The following NBAS variants were observed in gnomAD, a reference collection of about 807,000 sequenced individuals.
NBAS encodes NBAS subunit of NRZ tethering complex, also known as NAG/BC035112 fusion.
Under a neutral mutation model 302.5 loss-of-function variants are expected in NBAS, and 219 were observed. The observed-to-expected ratio is 0.72, with a 90% confidence interval of 0.65 to 0.81. The LOEUF (loss-of-function observed/expected upper bound fraction) is 0.81. NBAS is among the 30% of genes least tolerant of loss of function. The probability of loss-of-function intolerance (pLI) is 0.00; values close to 1 mark genes in which losing one functional copy is unlikely to be tolerated. For synonymous variants in NBAS, 1,118 were observed against 1,021.6 expected, an observed-to-expected ratio of 1.09 and a Z score of -1.80; for missense variants, 2,932 against 2,841.6, an observed-to-expected ratio of 1.03 and a Z score of -0.72.
At chr2:14,839,511 T>A in the NBAS span, among the ~76,000 whole-genome samples, 1 of 152,060 alleles carries the variant, frequency 6.6e-6, no homozygotes, top group Non-Finnish European at 1.5e-5. Context: ...CCCTGTAACT[T>A]AGCCAATGGA....
At chr2:15,173,370 C>T (rs1664385129) in intron 51 of NBAS, among the ~76,000 whole-genome samples, 2 of 152,046 alleles carry the variant, frequency 1.3e-5, no homozygotes, top group South Asian at 2.1e-4. Context: ...AGCTGAAATT[C>T]CAGAAGCATA....
chr2:14,929,912 T>A, the NBAS span, among the ~76,000 whole-genome samples: 28 of 152,232 alleles, frequency 1.8e-4, no homozygotes, highest in Middle Eastern at 6.8e-3. Flanking sequence ...GGGGCAGATT[T>A]CCCCCTTGCT....
intron 26 of NBAS, 113 bp downstream of exon 26, chr2:15,402,054 TG>T (rs772040963): frequency 1.1e-4 from 123 of 1,124,208 alleles, no homozygotes; most frequent in Non-Finnish European, 1.5e-4. Context: ...TTCTTCCTTA[TG>T]TTTTTTTCAC....
At chr2:15,069,578 T>A in the NBAS span, among the ~76,000 whole-genome samples, 84,184 of 151,082 alleles carry the variant, frequency 0.56, 24,692 homozygotes, top group East Asian at 0.69. Context: ...AATGGACCTG[T>A]AAAAGAGATA....
Position 15,234,622 on chromosome 2 carries a change from C to A in NBAS, c.6069G>T (p.Glu2023Asp). The A allele has an allele frequency of 6.2e-7, 1 of 1,614,144 alleles. No individual in the cohort carries two copies. Among genetic ancestry groups the A allele is most frequent in the Non-Finnish European group, 8.5e-7 (1 of 1,179,994 alleles). ...QPLAMIQQLLEVAVGPLDISP... is the reference protein window; with the variant it reads ...QPLAMIQQLLDVAVGPLDISP... ...AGATGTCAAGAGGGCCAACTGCCAC[C>A]TCTAGCAGCTGCTGAATCATTGCTA... is the stretch of plus-strand genomic sequence containing the variant. Residue 2023 changes from glutamate (E) to aspartate (D), a missense_variant, in exon 46 of 52, where the codon GAG becomes GAT. Glu to Asp is a conservative substitution (Grantham distance 45). Coordinates refer to ENST00000281513, the MANE Select transcript of NBAS (RefSeq NM_015909.4).
the NBAS span, among the ~76,000 whole-genome samples, chr2:15,113,141 A>T: frequency 1.3e-5 from 2 of 152,150 alleles, no homozygotes; most frequent in Non-Finnish European, 2.9e-5. Flanking sequence ...AATGTGGGAT[A>T]GAGAAATAAG....
intron 11 of NBAS, 84 bp from the exon 12 acceptor site, chr2:15,489,106 C>A: frequency 6.9e-7 from 1 of 1,450,578 alleles, no homozygotes; most frequent in Non-Finnish European, 9.6e-7. Flanking sequence ...TTTAGAGGTG[C>A]CAAGTTATAA....
At chr2:15,294,524 G>A (rs565741120) in intron 40 of NBAS, among the ~76,000 whole-genome samples, 1 of 152,084 alleles carries the variant, frequency 6.6e-6, no homozygotes, top group Non-Finnish European at 1.5e-5. Context: ...TCTATCTGTT[G>A]GCCAAACCCC....
At chr2:14,971,617 CTTCT>C in the NBAS span, among the ~76,000 whole-genome samples, 1 of 152,178 alleles carries the variant, frequency 6.6e-6, no homozygotes, top group African/African-American at 2.4e-5. Flanking sequence ...ACCTGTTGGC[CTTCT>C]TTCTGGCACC....
chr2:15,217,360 G>A (rs1244317093), intron 48 of NBAS, among the ~76,000 whole-genome samples: 1 of 152,104 alleles, frequency 6.6e-6, no homozygotes, highest in Non-Finnish European at 1.5e-5. Flanking sequence ...CAATAGTATT[G>A]ACCTCTTCAT....
rs1363031523 is a variant in NBAS, at chr2:15,287,170, T to C, written c.5041A>G (p.Ser1681Gly). 7 of 1,613,694 alleles carry C rather than the reference T, an allele frequency of 4.3e-6. No homozygotes were observed. The highest frequency in any genetic ancestry group is 1.3e-5 in the African/African-American group (1 of 74,918). ...ILGLAETLEE[S>G]VYSIAISLAQ... ...AGAGAAATAGCAATGCTGTAGACGC[T>C]TTCCTCTAGAGTTCTGCAGAAATGT... Residue 1681 changes from serine (S) to glycine (G), a missense_variant, in exon 42 of 52, where the codon AGC becomes GGC. Physicochemically the swap from Ser to Gly is moderately conservative, Grantham distance 56 (BLOSUM62 0). Transcript: ENST00000281513.
intron 48 of NBAS, among the ~76,000 whole-genome samples, chr2:15,207,001 AC>A (rs1381535348): frequency 6.6e-6 from 1 of 152,162 alleles, no homozygotes; most frequent in Non-Finnish European, 1.5e-5. Flanking sequence ...GAAGAGGGTC[AC>A]CATCCTCCAG....
At chr2:15,538,343 A>G in intron 7 of NBAS, 1 of 488,892 alleles carries the variant, frequency 2.0e-6, no homozygotes, top group Non-Finnish European at 4.1e-6. Flanking sequence ...TATGAGCACA[A>G]CACACGTTTT....
intron 48 of NBAS, among the ~76,000 whole-genome samples, chr2:15,203,549 A>G (rs542700353): frequency 3.5e-4 from 53 of 152,340 alleles, no homozygotes; most frequent in African/African-American, 1.2e-3. Context: ...CTGGCAACCA[A>G]TGAATTATGT....
chr2:14,947,507 A>C, the NBAS span, among the ~76,000 whole-genome samples: 1 of 152,056 alleles, frequency 6.6e-6, no homozygotes, highest in Non-Finnish European at 1.5e-5. Context: ...AATAACAAGT[A>C]AAGAGATCAG....
chr2:15,139,372 T>C, the NBAS span, among the ~76,000 whole-genome samples: 36 of 152,354 alleles, frequency 2.4e-4, no homozygotes, highest in Non-Finnish European at 3.8e-4. Context: ...TGTCTTGTCT[T>C]CCAGGAAGCT....
intron 38 of NBAS, among the ~76,000 whole-genome samples, chr2:15,311,655 C>G (rs1245804823): frequency 6.6e-6 from 1 of 152,188 alleles, no homozygotes; most frequent in Non-Finnish European, 1.5e-5. Flanking sequence ...TGACAAACCT[C>G]TGTTATCTTA....
intron 11 of NBAS, among the ~76,000 whole-genome samples, chr2:15,495,677 G>A (rs896259701): frequency 3.3e-5 from 5 of 152,126 alleles, no homozygotes; most frequent in African/African-American, 1.2e-4. Context: ...AAGGTAGCTG[G>A]CAGAGTCCTG....
At chr2:15,352,229 C>G (rs1673394539) in intron 34 of NBAS, 148 bp from the exon 35 acceptor site, 1 of 634,676 alleles carries the variant, frequency 1.6e-6, no homozygotes, top group Admixed American at 2.5e-5. Flanking sequence ...TACTTCAGGA[C>G]TTCACAAACA....
Sources: allele counts gnomAD v4.1 joint callset (sites outside exome capture counted in the v4.1 genomes callset), GRCh38; gene constraint gnomAD v4.1.1; transcripts MANE v1.5; gene names NCBI Gene and HGNC (gene_info 2026-07-23, HGNC 2026-07-21).